INPP4B: variants seen among roughly 807,000 people sequenced by gnomAD.
INPP4B encodes the protein inositol polyphosphate 4-phosphatase type II.
In INPP4B, 55 loss-of-function variants were observed where a neutral mutation model predicts 122.5. That is an observed-to-expected ratio of 0.45 (90% CI 0.36 to 0.56). The LOEUF (loss-of-function observed/expected upper bound fraction) is 0.56. INPP4B is among the 20% of genes least tolerant of loss of function. The pLI, the probability that INPP4B is intolerant of heterozygous loss-of-function variation, is 0.00. For missense variants in INPP4B, 1,000 were observed against 1,097.7 expected (o/e 0.91, Z 1.26); for synonymous variants, 403 against 388.7 (o/e 1.04, Z -0.43).
intron 5 of INPP4B, among the ~76,000 whole-genome samples, chr4:142,428,960 A>G (rs998411328): frequency 1.3e-5 from 2 of 151,944 alleles, no homozygotes; most frequent in Non-Finnish European, 2.9e-5. Flanking sequence ...TGAGAGGCAA[A>G]ACTATCATCA....
At chr4:142,788,181 TA>T (rs200560926) in intron 1 of INPP4B, among the ~76,000 whole-genome samples, 3 of 152,202 alleles carry the variant, frequency 2.0e-5, no homozygotes, top group Admixed American at 6.6e-5. Flanking sequence ...AATAATAACT[TA>T]AAAAATAGGC....
intron 15 of INPP4B, among the ~76,000 whole-genome samples, chr4:142,180,600 T>C (rs188765458): frequency 9.2e-5 from 14 of 152,270 alleles, no homozygotes; most frequent in African/African-American, 3.4e-4. Context: ...ATGTAGAAAT[T>C]GAAGCCTGAG....
chr4:142,482,824 T>C (rs1240282067), intron 2 of INPP4B, among the ~76,000 whole-genome samples: 1 of 152,134 alleles, frequency 6.6e-6, no homozygotes, highest in African/African-American at 2.4e-5. Flanking sequence ...TATATTTATT[T>C]GTGTGATTCA....
chr4:142,529,058 C>G (rs963384917), intron 2 of INPP4B, among the ~76,000 whole-genome samples: 2 of 152,062 alleles, frequency 1.3e-5, no homozygotes, highest in Admixed American at 1.3e-4. Context: ...TGTGGGTTTT[C>G]GATGTCGCAA....
chr4:142,772,022 T>C (rs1773146947), intron 1 of INPP4B, among the ~76,000 whole-genome samples: 1 of 152,088 alleles, frequency 6.6e-6, no homozygotes, highest in African/African-American at 2.4e-5. Flanking sequence ...GAAAAATAAA[T>C]CAAGAGTTCT....
chr4:142,556,400 G>A (rs1407245292), intron 2 of INPP4B, among the ~76,000 whole-genome samples: 1 of 152,154 alleles, frequency 6.6e-6, no homozygotes, highest in Non-Finnish European at 1.5e-5. Flanking sequence ...AAGAAAAACT[G>A]TTATTTTTAA....
At chr4:142,252,346 G>A (rs1017788588) in intron 11 of INPP4B, among the ~76,000 whole-genome samples, 56 of 151,524 alleles carry the variant, frequency 3.7e-4, no homozygotes, top group African/African-American at 1.1e-3. Flanking sequence ...CCGCTACCAC[G>A]CCCGGCTAAT....
intron 17 of INPP4B, among the ~76,000 whole-genome samples, chr4:142,151,233 T>C (rs1416457786): frequency 2.6e-5 from 4 of 152,156 alleles, no homozygotes; most frequent in Non-Finnish European, 4.4e-5. Context: ...TAAAATATTG[T>C]ATGTTTCAAA....
At chr4:142,169,150 T>C (rs1421382106) in intron 16 of INPP4B, among the ~76,000 whole-genome samples, 1 of 151,642 alleles carries the variant, frequency 6.6e-6, no homozygotes, top group Non-Finnish European at 1.5e-5. Context: ...TTTCTTATTG[T>C]ACAATTTTCT....
intron 2 of INPP4B, among the ~76,000 whole-genome samples, chr4:142,663,678 C>A (rs1217746052): frequency 6.6e-6 from 1 of 151,706 alleles, no homozygotes; most frequent in Admixed American, 6.6e-5. Context: ...TTTAATAGAC[C>A]ATTTATTTTT....
chr4:142,476,581 C>T (rs1253593593), intron 2 of INPP4B, among the ~76,000 whole-genome samples: 1 of 152,178 alleles, frequency 6.6e-6, no homozygotes, highest in East Asian at 1.9e-4. Context: ...ATCTCACATG[C>T]AGTGACACCC....
chr4:142,191,102 T>C (rs1312965656), intron 15 of INPP4B, among the ~76,000 whole-genome samples: 1 of 152,162 alleles, frequency 6.6e-6, no homozygotes, highest in East Asian at 1.9e-4. Flanking sequence ...ACTTCCCCTG[T>C]TAATCACAAT....
chr4:142,833,686 T>A (rs1356440940), intron 1 of INPP4B, among the ~76,000 whole-genome samples: 2 of 152,022 alleles, frequency 1.3e-5, no homozygotes, highest in African/African-American at 4.8e-5. Flanking sequence ...GACTCAAACT[T>A]CTGGGCTCAA....
chr4:142,259,584 A>C (rs1454348196), intron 11 of INPP4B, among the ~76,000 whole-genome samples: 1 of 76,498 alleles, frequency 1.3e-5, no homozygotes, highest in African/African-American at 3.4e-5. Context: ...AAATCAAGAA[A>C]AAAATATAAA....
chr4:142,054,250 A>G (rs1578739873), intron 25 of INPP4B, among the ~76,000 whole-genome samples: 1 of 144,146 alleles, frequency 6.9e-6, no homozygotes, highest in East Asian at 2.0e-4. Context: ...CAACCACAAC[A>G]CCCTATTTTT....
chr4:142,465,873 T>C (rs1287715055), intron 2 of INPP4B, among the ~76,000 whole-genome samples: 3 of 152,168 alleles, frequency 2.0e-5, no homozygotes, highest in African/African-American at 7.2e-5. Context: ...TCACCATCTA[T>C]GTGCCTGCTT....
rs5862563 is a variant in INPP4B at position 142,025,191 on chromosome 4, GT to G, written c.*3590del. On this transcript the variant is annotated 3_prime_UTR_variant, in exon 26 of 26. Transcript: ENST00000262992. Reference sequence around the variant, plus strand: ...GCATTTGCCAGCCAGTTTCTATGGTGTTAAATACTCCCACTGTGGACAGTTT... The same window carrying G: ...GCATTTGCCAGCCAGTTTCTATGGTGTAAATACTCCCACTGTGGACAGTTT... 139,178 of 152,146 alleles carry G rather than the reference GT, an allele frequency of 0.91. 63,672 individuals are homozygous for G. Among genetic ancestry groups the G allele is most frequent in the Middle Eastern group, 0.95 (277 of 292 alleles). The allele number at this position is 152,146 out of a possible 1,614,324, so 9.4% of individuals were successfully genotyped here.
chr4:142,365,855 C>T (rs1458701595), intron 7 of INPP4B, among the ~76,000 whole-genome samples: 1 of 151,870 alleles, frequency 6.6e-6, no homozygotes, highest in Non-Finnish European at 1.5e-5. Context: ...TTTGATCTTC[C>T]ATCCTGATTA....
chr4:142,564,262 A>T (rs989019458), intron 2 of INPP4B, among the ~76,000 whole-genome samples: 8 of 152,146 alleles, frequency 5.3e-5, no homozygotes, highest in Non-Finnish European at 1.0e-4. Flanking sequence ...GAAGGCTTGG[A>T]GCAGAGAACA....
Sources: allele counts gnomAD v4.1 joint callset (sites outside exome capture counted in the v4.1 genomes callset), GRCh38; gene constraint gnomAD v4.1.1; transcripts MANE v1.5; gene names NCBI Gene and HGNC (gene_info 2026-07-23, HGNC 2026-07-21).